Variants in ODAD1 observed in about 807,000 individuals in gnomAD.
ODAD1 encodes outer dynein arm-docking complex subunit 1.
ODAD1 carries 49 observed loss-of-function variants against 67.2 expected under a neutral mutation model. The observed-to-expected ratio is 0.73, with a 90% CI of 0.58 to 0.92. ODAD1 has a LOEUF of 0.92. Among genes scored for constraint, ODAD1 ranks in the 40% least tolerant of loss-of-function variants. ODAD1 has a pLI of 0.00. For synonymous variants in ODAD1, 345 were observed against 393.7 expected (o/e 0.88, Z 1.46); for missense variants, 897 against 953.7 (o/e 0.94, Z 0.78).
chr19:48,317,272 G>A (rs1023732112), intron 5 of ODAD1, among the ~76,000 whole-genome samples: 2 of 152,068 alleles, frequency 1.3e-5, no homozygotes, highest in Non-Finnish European at 2.9e-5. Context: ...ATATGTGTGT[G>A]TGTATATCTG....
rs903986917 is a variant in ODAD1 at position 48,313,444 on chromosome 19, A to C, written c.361-1328T>G. ...TCCATCTCAAAAAAAAAAAAAAAAA[A>C]AACCAAAAAAAAACCTCACATGTTG... is the stretch of plus-strand genomic sequence containing the variant. On this transcript the variant is annotated intron_variant, in intron 5 of 15. Transcript: ENST00000674294. 1.8e-3 allele frequency among the ~76,000 whole-genome samples: 178 copies of C among 98,808 alleles called. 4 individuals carry two copies. The highest frequency in any genetic ancestry group is 7.0e-3 in the African/African-American group (174 of 25,026). The allele number at this position is 98,808 out of a possible 152,430, so 64.8% of individuals were successfully genotyped here. A position where few individuals can be genotyped will look rare whatever the true frequency, so the allele number is the denominator to read the frequency against.
chr19:48,303,475 A>G (rs1034087146), intron 10 of ODAD1, 175 bp downstream of exon 10: 66 of 702,222 alleles, frequency 9.4e-5, no homozygotes, highest in Admixed American at 4.5e-4. Context: ...GGAGGGGCAG[A>G]GACAGGGCCA....
intron 5 of ODAD1, among the ~76,000 whole-genome samples, chr19:48,312,542 G>A (rs1044155180): frequency 2.8e-4 from 42 of 149,686 alleles, no homozygotes; most frequent in South Asian, 1.3e-3. Flanking sequence ...TCAACCTCCC[G>A]AGTAGCTGGG....
At chr19:48,317,681 A>ATTT (rs534720024) in intron 5 of ODAD1, among the ~76,000 whole-genome samples, 2 of 144,282 alleles carry the variant, frequency 1.4e-5, no homozygotes, top group Non-Finnish European at 1.5e-5. Context: ...AATAGCCCCG[A>ATTT]TTTTTTTTTT....
chr19:48,305,605 C>T (rs1453006776), intron 8 of ODAD1, among the ~76,000 whole-genome samples: 1 of 151,932 alleles, frequency 6.6e-6, no homozygotes, highest in Non-Finnish European at 1.5e-5. Context: ...GGGATTTCAC[C>T]ATGTTGGCCA....
chr19:48,308,795 C>G (rs575284440), intron 7 of ODAD1, among the ~76,000 whole-genome samples: 3 of 152,322 alleles, frequency 2.0e-5, no homozygotes, highest in Admixed American at 2.0e-4. Flanking sequence ...GCTGCCCAAA[C>G]TGCTGCTGTG....
chr19:48,302,344 G>A (rs1408975782), intron 12 of ODAD1, among the ~76,000 whole-genome samples: 2 of 149,996 alleles, frequency 1.3e-5, no homozygotes, highest in African/African-American at 4.9e-5. Context: ...ATGGATATAG[G>A]ATAATTGGAG....
At position 48,306,261 on chromosome 19, in the gene ODAD1, G is replaced by C; in HGVS notation, c.660C>G (p.Ala220=). 6.4e-7 allele frequency: 1 copy of C among 1,551,514 alleles called. No homozygotes were observed. The highest frequency in any genetic ancestry group is 8.7e-7 in the Non-Finnish European group (1 of 1,146,870). Residue 220 remains alanine (A), a synonymous_variant, in exon 8 of 16, where the codon GCC becomes GCG. Transcript: ENST00000674294. The part of the protein sequence containing the change: ...TLILSSTSAY[A]VREEAKAKMG... ...AGGATACCCGCAGTCTCTACCTGAC[G>C]GCGTAGGCAGAGGTGGAGGAGAGGA...
At chr19:48,314,194 G>A (rs886624203) in intron 5 of ODAD1, among the ~76,000 whole-genome samples, 5 of 152,196 alleles carry the variant, frequency 3.3e-5, no homozygotes, top group Admixed American at 3.3e-4. Context: ...AGTGAGCTGA[G>A]AGATTGGGTG....
intron 5 of ODAD1, 139 bp from the exon 6 acceptor site, chr19:48,312,255 C>T: frequency 6.1e-6 from 4 of 651,652 alleles, no homozygotes; most frequent in South Asian, 5.5e-5. Context: ...CTTCTGCTGA[C>T]ACTATCCAGC....
In ODAD1 at chr19:48,318,426, G is replaced by T; in HGVS notation, c.321C>A (p.Ile107=). ...CCCTGGTCTGCTCCTGCAGCTCCTC[G>T]ATCTCCGCCTGCACCTGGGCCCGGC... ...LKGRAQVQAE[I]EELQEQTRAL... The change falls in exon 5 of 16, where the codon ATC becomes ATA. Residue 107 remains isoleucine (I), a synonymous_variant. Coordinates refer to ENST00000674294, the MANE Select transcript of ODAD1 (RefSeq NM_001364171.2). 1 of 1,551,572 alleles carries T rather than the reference G, an allele frequency of 6.4e-7. No homozygotes were observed. Among genetic ancestry groups the T allele is most frequent in the Non-Finnish European group, 8.7e-7 (1 of 1,146,980 alleles).
At chr19:48,304,435 A>T (rs371320827) in intron 8 of ODAD1, among the ~76,000 whole-genome samples, 42 of 152,310 alleles carry the variant, frequency 2.8e-4, no homozygotes, top group African/African-American at 9.6e-4. Context: ...CCTGGCCAAC[A>T]TGGTGAAACT....
rs913108942 is a variant in ODAD1 at position 48,318,867 on chromosome 19, C to G, written c.71-55G>C. 40 of 1,132,572 alleles carry G rather than the reference C, an allele frequency of 3.5e-5. No homozygotes were observed. The African/African-American group carries it at 5.5e-4, about 16-fold the overall frequency. 70.2% of individuals were successfully genotyped at this position (1,132,572 alleles called of 1,614,324 possible). A position where few individuals can be genotyped will look rare whatever the true frequency, so the allele number is the denominator to read the frequency against. On this transcript the variant is annotated intron_variant, in intron 3 of 15. Coordinates refer to ENST00000674294, the MANE Select transcript of ODAD1 (RefSeq NM_001364171.2). The stretch of plus-strand genomic sequence containing the variant: ...CAGGGATCCTGGCCACCAGCTCCTC[C>G]CAACCCAGGACCTAGGAATTCTGCT...
At chr19:48,317,932 G>T (rs1369605313) in intron 5 of ODAD1, among the ~76,000 whole-genome samples, 1 of 152,174 alleles carries the variant, frequency 6.6e-6, no homozygotes, top group African/African-American at 2.4e-5. Flanking sequence ...AAGTAGCCAG[G>T]CCTGGTGGTG....
chr19:48,299,749 C>T (rs990405830), intron 12 of ODAD1, among the ~76,000 whole-genome samples: 2 of 151,832 alleles, frequency 1.3e-5, no homozygotes, highest in Admixed American at 6.6e-5. Flanking sequence ...TGCAGTGAGC[C>T]GAGATCGTGC....
At chr19:48,304,844 C>T (rs1169393619) in intron 8 of ODAD1, among the ~76,000 whole-genome samples, 3 of 152,042 alleles carry the variant, frequency 2.0e-5, no homozygotes, top group Non-Finnish European at 4.4e-5. Flanking sequence ...TTCTTTCTCC[C>T]AAGTAAGACT....
At chr19:48,298,940 C>T (rs996237550) in intron 12 of ODAD1, among the ~76,000 whole-genome samples, 2 of 152,202 alleles carry the variant, frequency 1.3e-5, no homozygotes, top group Non-Finnish European at 1.5e-5. Context: ...TGAGCTCCTA[C>T]GGTATGCCCC....
chr19:48,311,671 G>A lies in ODAD1; in HGVS notation c.484-5C>T, dbSNP rs1446358553. Reference sequence around the variant, plus strand: ...GTTGTCAAAGTGACAGGTGACCTGGGAGTAGAAAGGTGGATGGAAGAGTGG... The same window carrying A: ...GTTGTCAAAGTGACAGGTGACCTGGAAGTAGAAAGGTGGATGGAAGAGTGG... On this transcript the variant is annotated splice_region_variant and splice_polypyrimidine_tract_variant and intron_variant, in intron 6 of 15. Transcript: ENST00000674294. 6.6e-6 allele frequency: 10 copies of A among 1,518,160 alleles called. No individual in the cohort carries two copies. The highest frequency in any genetic ancestry group is 9.0e-6 in the Non-Finnish European group (10 of 1,116,384). The allele number at this position is 1,518,160 out of a possible 1,614,324, so 94.0% of individuals were successfully genotyped here.
At chr19:48,303,854 G>A in intron 9 of ODAD1, 70 bp from the exon 10 acceptor site, 2 of 1,574,138 alleles carry the variant, frequency 1.3e-6, no homozygotes, top group South Asian at 2.4e-5. Context: ...TGGGTGAGGG[G>A]GAGCGAAGTG....
Sources: gnomAD v4.1 joint callset for allele counts (sites outside exome capture counted in the v4.1 genomes callset) on GRCh38, gnomAD v4.1.1 for gene constraint, MANE v1.5 for transcripts, NCBI Gene and HGNC (gene_info 2026-07-23, HGNC 2026-07-21) for gene names.